MBNL1: variants seen among roughly 807,000 people sequenced by gnomAD.
MBNL1 encodes the protein muscleblind-like protein 1.
MBNL1 carries 8 observed loss-of-function variants against 42.2 expected under a neutral mutation model. The observed-to-expected ratio is 0.19, with a 90% CI of 0.11 to 0.34. The LOEUF (loss-of-function observed/expected upper bound fraction) is 0.34. MBNL1 is among the 10% of genes least tolerant of loss of function. The pLI, the probability that MBNL1 is intolerant of heterozygous loss-of-function variation, is 1.00. For synonymous variants in MBNL1, 169 were observed against 173.9 expected, an observed-to-expected ratio of 0.97 and a Z score of 0.22; for missense variants, 309 against 495.3, an observed-to-expected ratio of 0.62 and a Z score of 3.57.
In MBNL1 at chr3:152,297,412, C is replaced by T. The variant is rs374388761; in HGVS notation, c.-789-1993C>T. 3.4e-4 allele frequency among the ~76,000 whole-genome samples: 50 copies of T among 148,644 alleles called. No homozygotes were observed. The South Asian group carries it at 0.01, about 30-fold the overall frequency. ...GGCCTGGAGTGCAGTGGCGCAATCT[C>T]GGCTCACTGCAACATTCACCTCCCA... On this transcript the variant is annotated intron_variant, in intron 1 of 9. Transcript: ENST00000324210.
At chr3:152,256,297 T>C (rs142524898) in intron 2 of MBNL1, among the ~76,000 whole-genome samples, 4 of 152,324 alleles carry the variant, frequency 2.6e-5, no homozygotes, top group Admixed American at 1.3e-4. Context: ...AAAATTGTCA[T>C]GGAATAATTG....
At position 152,447,674 on chromosome 3, in the gene MBNL1, ACCAACGGTG is replaced by A; in HGVS notation, c.866_874del (p.Asn289_Ala291del). On this transcript the variant is annotated inframe_deletion, in exon 6 of 10. Transcript: ENST00000324210. ...ACCAAAGAGGCCTGCTCTTGAAAAA[ACCAACGGTG>A]CCACCGCAGTCTTTAACACTGGTAT... The A allele has an allele frequency of 6.2e-7, 1 of 1,613,870 alleles. No homozygotes were observed. Among genetic ancestry groups the A allele is most frequent in the Non-Finnish European group, 8.5e-7 (1 of 1,179,880 alleles).
chr3:152,403,458 T>G (rs1021207975), intron 2 of MBNL1, among the ~76,000 whole-genome samples: 4 of 152,222 alleles, frequency 2.6e-5, no homozygotes, highest in African/African-American at 9.6e-5. Context: ...CTATTTTTAT[T>G]TGTATGTTTA....
chr3:152,364,915 G>A (rs927435053), intron 2 of MBNL1, among the ~76,000 whole-genome samples: 2 of 151,548 alleles, frequency 1.3e-5, no homozygotes, highest in Admixed American at 1.3e-4. Context: ...TCCAGGGGAC[G>A]TTGGTTCGAT....
chr3:152,305,823 G>A (rs185261598), intron 2 of MBNL1, among the ~76,000 whole-genome samples: 4 of 152,166 alleles, frequency 2.6e-5, no homozygotes, highest in Admixed American at 1.3e-4. Flanking sequence ...AGCAACTACA[G>A]AGTTTTTATT....
Position 152,426,166 on chromosome 3 carries a change from G to C in MBNL1, c.346-6551G>C, listed in dbSNP as rs1470006081. Among the ~76,000 whole-genome samples, 8 of 151,678 alleles carry C rather than the reference G, an allele frequency of 5.3e-5. No homozygotes were observed. In the East Asian group the frequency reaches 5.8e-4, roughly 11 times the overall value. On this transcript the variant is annotated intron_variant, in intron 3 of 9. Transcript: ENST00000324210. ...TGAGCAATGAGAACATGTGGGCACG[G>C]GGGGGGAACATCACACACTGGGGCC...
intron 3 of MBNL1, among the ~76,000 whole-genome samples, chr3:152,431,927 C>T (rs868148466): frequency 6.6e-6 from 1 of 152,118 alleles, no homozygotes; most frequent in African/African-American, 2.4e-5. Flanking sequence ...CCTTATATAT[C>T]CACGAAAGCA....
chr3:152,282,906 G>GT (rs2150431710), intron 1 of MBNL1, among the ~76,000 whole-genome samples: 1 of 152,290 alleles, frequency 6.6e-6, no homozygotes, highest in South Asian at 2.1e-4. Context: ...GCAAAATATT[G>GT]TGAGTTTAAA....
At chr3:152,434,514 A>G (rs1057469977) in intron 4 of MBNL1, among the ~76,000 whole-genome samples, 1 of 152,100 alleles carries the variant, frequency 6.6e-6, no homozygotes, top group African/African-American at 2.4e-5. Flanking sequence ...CAGTGAATAC[A>G]CGTGTGTGTC....
chr3:152,347,465 T>C (rs2094434348), intron 2 of MBNL1, among the ~76,000 whole-genome samples: 1 of 152,180 alleles, frequency 6.6e-6, no homozygotes, highest in Non-Finnish European at 1.5e-5. Context: ...GTTTTATGTC[T>C]TTTAAGTCTT....
At chr3:152,331,136 C>T (rs572416981) in intron 2 of MBNL1, among the ~76,000 whole-genome samples, 1 of 152,012 alleles carries the variant, frequency 6.6e-6, no homozygotes, top group East Asian at 1.9e-4. Flanking sequence ...CTTACTCCCT[C>T]GTTCCTGCTC....
chr3:152,310,214 C>G lies in MBNL1; in HGVS notation c.174+9847C>G, dbSNP rs77144229. ...AAGAGATTTATACTAAGCTCATCAT[C>G]AGTTTCTATAATTCAGTGAGATAAA... On this transcript the variant is annotated intron_variant, in intron 2 of 9. Coordinates refer to ENST00000324210, the MANE Select transcript of MBNL1 (RefSeq NM_021038.5). 3.6e-3 allele frequency among the ~76,000 whole-genome samples: 545 copies of G among 152,296 alleles called. 2 individuals carry two copies. The highest frequency in any genetic ancestry group is 0.012 in the African/African-American group (519 of 41,560).
At chr3:152,371,743 C>T (rs2096670920) in intron 2 of MBNL1, among the ~76,000 whole-genome samples, 1 of 152,162 alleles carries the variant, frequency 6.6e-6, no homozygotes, top group African/African-American at 2.4e-5. Flanking sequence ...TTTTTTCATT[C>T]CTTTCAACCT....
intron 3 of MBNL1, among the ~76,000 whole-genome samples, chr3:152,420,323 A>G (rs1560523318): frequency 6.6e-6 from 1 of 152,188 alleles, no homozygotes. Flanking sequence ...CCTGACTGGG[A>G]GACACCTCCC....
intron 2 of MBNL1, among the ~76,000 whole-genome samples, chr3:152,305,023 T>C (rs2062340854): frequency 1.3e-5 from 2 of 152,218 alleles, no homozygotes; most frequent in African/African-American, 2.4e-5. Context: ...CTACTTTTTT[T>C]CTCATGAAAT....
chr3:152,251,549 T>G (rs2034532634), intron 2 of MBNL1, among the ~76,000 whole-genome samples: 1 of 152,128 alleles, frequency 6.6e-6, no homozygotes, highest in Non-Finnish European at 1.5e-5. Flanking sequence ...GTATCATTTC[T>G]TTGTCTTTTA....
At chr3:152,395,711 C>T (rs766809042) in intron 2 of MBNL1, among the ~76,000 whole-genome samples, 22 of 152,196 alleles carry the variant, frequency 1.4e-4, no homozygotes, top group African/African-American at 4.6e-4. Context: ...TGGCATTTGA[C>T]GTTACTTTCA....
chr3:152,249,713 T>C (rs1217171970), intron 2 of MBNL1, among the ~76,000 whole-genome samples: 1 of 147,148 alleles, frequency 6.8e-6, no homozygotes, highest in East Asian at 2.0e-4. Context: ...TCCTGAATGG[T>C]AATGCCTAGG....
At chr3:152,447,575 T>A in intron 5 of MBNL1, 45 bp from the exon 6 acceptor site, 4 of 1,533,190 alleles carry the variant, frequency 2.6e-6, no homozygotes, top group Non-Finnish European at 3.6e-6. Context: ...TTTTTCTTTT[T>A]CTCTTTTTAC....
Sources: allele counts gnomAD v4.1 joint callset (sites outside exome capture counted in the v4.1 genomes callset), GRCh38; gene constraint gnomAD v4.1.1; transcripts MANE v1.5; gene names NCBI Gene and HGNC (gene_info 2026-07-23, HGNC 2026-07-21).